Variants in NUMB observed in about 807,000 individuals in gnomAD.
NUMB encodes protein numb homolog.
A neutral mutation model predicts 59.7 loss-of-function variants in NUMB; 29 were observed. That is an observed-to-expected ratio of 0.49 (90% CI 0.36 to 0.66). NUMB has a LOEUF of 0.66. Among genes scored for constraint, NUMB ranks in the 30% least tolerant of loss-of-function variants. The probability of loss-of-function intolerance (pLI) is 0.00; values close to 1 mark genes in which losing one functional copy is unlikely to be tolerated. For missense variants in NUMB, 723 were observed against 822.0 expected (o/e 0.88, Z 1.47); for synonymous variants, 288 against 288.2 (o/e 1.00, Z 0.01).
chr14:73,359,653 A>G (rs1403186932), intron 3 of NUMB, among the ~76,000 whole-genome samples: 1 of 152,164 alleles, frequency 6.6e-6, no homozygotes, highest in Non-Finnish European at 1.5e-5. Context: ...CTGGAGAGAG[A>G]GATTAGAATA....
chr14:73,445,385 A>C (rs866327124), intron 1 of NUMB, among the ~76,000 whole-genome samples: 7,085 of 142,462 alleles, frequency 0.05, 677 homozygotes, highest in African/African-American at 0.14. Flanking sequence ...AAAAAAAAAA[A>C]AAAAAAAAAA....
chr14:73,353,339 G>A (rs1289816389), intron 4 of NUMB, among the ~76,000 whole-genome samples: 4 of 149,458 alleles, frequency 2.7e-5, no homozygotes, highest in African/African-American at 4.9e-5. Flanking sequence ...CGCCCGCCTC[G>A]GCATCCCAAA....
At chr14:73,372,043 C>T (rs1185787289) in intron 2 of NUMB, among the ~76,000 whole-genome samples, 2 of 151,516 alleles carry the variant, frequency 1.3e-5, no homozygotes, top group African/African-American at 4.9e-5. Flanking sequence ...ACCAGCCTGG[C>T]CAACATGGTA....
chr14:73,340,713 CATA>C (rs1351886238), intron 4 of NUMB, among the ~76,000 whole-genome samples: 1 of 152,130 alleles, frequency 6.6e-6, no homozygotes, highest in Non-Finnish European at 1.5e-5. Flanking sequence ...TATTAAAAGT[CATA>C]ATAATGAAAA....
intron 11 of NUMB, 171 bp downstream of exon 11, chr14:73,282,177 AACAGGAAGGGC>A (rs1213366115): frequency 1.9e-6 from 1 of 529,156 alleles, no homozygotes; most frequent in African/African-American, 1.9e-5. Context: ...CATCTTAGAA[AACAGGAAGGGC>A]ACAAAGACAT....
At position 73,282,491 on chromosome 14, in the gene NUMB, C is replaced by A. The variant is rs540058339; in HGVS notation, c.964G>T (p.Gly322Trp). 6.2e-7 allele frequency: 1 copy of A among 1,613,624 alleles called. No homozygotes were observed. Among genetic ancestry groups the A allele is most frequent in the Non-Finnish European group, 8.5e-7 (1 of 1,179,834 alleles). Residue 322 changes from glycine (G) to tryptophan (W), a missense_variant, in exon 11 of 13, where the codon GGG becomes TGG. By Grantham distance (184) the Gly-to-Trp change is radical (BLOSUM62 -2). Coordinates refer to ENST00000555238, the MANE Select transcript of NUMB (RefSeq NM_001005743.2). ...AGGGAGCTGATGCTCTCTGCCTCCC[C>A]TTCTACTTCTGGCACTGCAAGGCAA... ...PIKNAVPEVE[G>W]EAESISSLCS...
Position 73,276,749 on chromosome 14 carries a change from GC to G in NUMB, c.1784del (p.Gly595AlafsTer29). 3.1e-6 allele frequency: 5 copies of G among 1,613,782 alleles called. No homozygotes were observed. The highest frequency in any genetic ancestry group is 4.2e-6 in the Non-Finnish European group (5 of 1,179,944). ...GSAAFNGVDD[G>X]RLASADRHTE... ...TATGCCTGTCTGCTGAGGCCAACCT[GC>G]CATCATCTACACCATTGAAAGCTGC... is the stretch of plus-strand genomic sequence containing the variant. On this transcript the variant is annotated frameshift_variant, in exon 13 of 13. Transcript: ENST00000555238. LOFTEE classifies it high-confidence loss of function.
intron 6 of NUMB, among the ~76,000 whole-genome samples, chr14:73,308,833 G>C (rs1218153269): frequency 2.6e-5 from 4 of 152,128 alleles, no homozygotes; most frequent in Admixed American, 1.3e-4. Context: ...GTGAGAGATG[G>C]GCTATGTGAA....
At chr14:73,330,042 ATTTTC>A (rs1448537200) in intron 4 of NUMB, among the ~76,000 whole-genome samples, 1 of 151,962 alleles carries the variant, frequency 6.6e-6, no homozygotes, top group Non-Finnish European at 1.5e-5. Flanking sequence ...ACTTCAAAGT[ATTTTC>A]TTTTCTTTTG....
At chr14:73,423,658 A>T (rs1211134025) in intron 1 of NUMB, among the ~76,000 whole-genome samples, 1 of 151,916 alleles carries the variant, frequency 6.6e-6, no homozygotes, top group African/African-American at 2.4e-5. Flanking sequence ...AAAAAAAAAA[A>T]AATTAGCCAG....
At chr14:73,400,044 C>CAAAAACAAAA (rs941131115) in intron 2 of NUMB, among the ~76,000 whole-genome samples, 1 of 149,910 alleles carries the variant, frequency 6.7e-6, no homozygotes, top group Non-Finnish European at 1.5e-5. Flanking sequence ...GTCTCAAAAA[C>CAAAAACAAAA]AAAAACAAAA....
chr14:73,399,723 T>C (rs1367761667), intron 2 of NUMB, among the ~76,000 whole-genome samples: 1 of 152,094 alleles, frequency 6.6e-6, no homozygotes, highest in Non-Finnish European at 1.5e-5. Flanking sequence ...CACTCCAGCA[T>C]GGGCAACACA....
chr14:73,389,289 AAAAACAAAAAC>A (rs1189152964), intron 2 of NUMB, among the ~76,000 whole-genome samples: 6 of 88,694 alleles, frequency 6.8e-5, no homozygotes, highest in African/African-American at 4.2e-4. Context: ...AAAAAAAAAA[AAAAACAAAAAC>A]AAAAACACTG....
chr14:73,285,936 A>C (rs576816788), intron 9 of NUMB, among the ~76,000 whole-genome samples: 3 of 147,914 alleles, frequency 2.0e-5, no homozygotes, highest in African/African-American at 5.3e-5. Flanking sequence ...AAAAAAAAAA[A>C]AAACACCGAA....
intron 9 of NUMB, 157 bp downstream of exon 9, chr14:73,286,953 A>C (rs1381140734): frequency 1.2e-5 from 8 of 693,956 alleles, no homozygotes; most frequent in Non-Finnish European, 2.0e-5. Context: ...AGCCACTCTA[A>C]AGGAAGCGGT....
intron 1 of NUMB, among the ~76,000 whole-genome samples, chr14:73,445,624 T>C (rs1883442812): frequency 6.6e-6 from 1 of 152,150 alleles, no homozygotes; most frequent in Admixed American, 6.6e-5. Context: ...GCTGGGTCCT[T>C]GCAACAGTAA....
chr14:73,298,301 C>T (rs2139848159), intron 6 of NUMB: 1 of 152,390 alleles, frequency 6.6e-6, no homozygotes, highest in South Asian at 2.1e-4. Context: ...CTCAAGTGAT[C>T]CCCTTGTCCC....
At chr14:73,308,020 A>T (rs1182557363) in intron 6 of NUMB, among the ~76,000 whole-genome samples, 1 of 152,086 alleles carries the variant, frequency 6.6e-6, no homozygotes, top group African/African-American at 2.4e-5. Context: ...GGCGTGAGCC[A>T]CCGCGCCCGG....
intron 7 of NUMB, 127 bp from the exon 8 acceptor site, chr14:73,293,001 A>G (rs1830997731): frequency 1.1e-6 from 1 of 921,424 alleles, no homozygotes; most frequent in Non-Finnish European, 1.6e-6. Flanking sequence ...GAATACCTAG[A>G]TCTGTGTCCA....
Sources: allele counts gnomAD v4.1 joint callset (sites outside exome capture counted in the v4.1 genomes callset), GRCh38; gene constraint gnomAD v4.1.1; transcripts MANE v1.5; gene names NCBI Gene and HGNC (gene_info 2026-07-23, HGNC 2026-07-21).